Variants in KRABD5 observed in about 807,000 individuals in gnomAD.
The protein encoded by KRABD5 is KRAB domain containing 5, also known as KRAB domain-containing protein 5.
the KRABD5 span, among the ~76,000 whole-genome samples, chr16:31,727,237 A>G: frequency 3.3e-5 from 5 of 152,244 alleles, no homozygotes; most frequent in Admixed American, 2.0e-4. Flanking sequence ...GAAAATTACA[A>G]TTCTTCGTTG....
chr16:31,725,321 T>G, the KRABD5 span, among the ~76,000 whole-genome samples: 2 of 152,198 alleles, frequency 1.3e-5, no homozygotes, highest in Non-Finnish European at 2.9e-5. Flanking sequence ...TTTCGCCATG[T>G]TGGCCAGGCT....
the KRABD5 span, among the ~76,000 whole-genome samples, chr16:31,717,735 T>C: frequency 6.6e-6 from 1 of 152,190 alleles, no homozygotes; most frequent in East Asian, 1.9e-4. Context: ...GATTCTGTTT[T>C]TAATTATATT....
chr16:31,741,882 AT>A, the KRABD5 span, among the ~76,000 whole-genome samples: 2 of 152,114 alleles, frequency 1.3e-5, no homozygotes, highest in African/African-American at 2.4e-5. Context: ...AATGTCTAGA[AT>A]GGTATTTGCC....
At chr16:31,736,799 C>T in the KRABD5 span, among the ~76,000 whole-genome samples, 4 of 152,200 alleles carry the variant, frequency 2.6e-5, no homozygotes, top group African/African-American at 4.8e-5. Flanking sequence ...GGATTACAGG[C>T]GTGAGCCACT....
chr16:31,731,564 A>T, the KRABD5 span, among the ~76,000 whole-genome samples: 3 of 152,082 alleles, frequency 2.0e-5, no homozygotes, highest in African/African-American at 4.8e-5. Context: ...TCTGGAACTG[A>T]TTCATAGGGG....
the KRABD5 span, chr16:31,753,900 GGTAA>G: frequency 6.4e-7 from 1 of 1,551,092 alleles, no homozygotes; most frequent in Non-Finnish European, 8.7e-7. Context: ...GGAAAGTGAG[GGTAA>G]GTGTGAAGGT....
chr16:31,746,866 G>A, the KRABD5 span, among the ~76,000 whole-genome samples: 24 of 151,888 alleles, frequency 1.6e-4, no homozygotes, highest in Non-Finnish European at 2.9e-4. Flanking sequence ...TCAGCCAGGT[G>A]GTCTTCAAAT....
the KRABD5 span, among the ~76,000 whole-genome samples, chr16:31,745,578 G>A: frequency 4.6e-5 from 7 of 152,168 alleles, no homozygotes; most frequent in East Asian, 1.9e-4. Flanking sequence ...ATCTGGCACC[G>A]AGAAGAATGT....
chr16:31,752,291 A>G, the KRABD5 span, among the ~76,000 whole-genome samples: 1 of 152,172 alleles, frequency 6.6e-6, no homozygotes, highest in African/African-American at 2.4e-5. Context: ...TATTCTGTAG[A>G]TGCCTATTAG....
chr16:31,759,169 C>A, the KRABD5 span: 2 of 519,218 alleles, frequency 3.9e-6, no homozygotes, highest in African/African-American at 1.9e-5. Context: ...GTCATAATAG[C>A]CCAAAACAGG....
chr16:31,731,624 C>T, the KRABD5 span, among the ~76,000 whole-genome samples: 1 of 152,192 alleles, frequency 6.6e-6, no homozygotes, highest in African/African-American at 2.4e-5. Context: ...TTCCAGGTTT[C>T]TCATTGAGCA....
At chr16:31,723,301 A>G in the KRABD5 span, 1 of 1,613,988 alleles carries the variant, frequency 6.2e-7, no homozygotes, top group East Asian at 2.2e-5. Context: ...TTTTGGAGCA[A>G]AGGAAAGAGC....
the KRABD5 span, among the ~76,000 whole-genome samples, chr16:31,742,211 G>A: frequency 6.6e-6 from 1 of 151,660 alleles, no homozygotes; most frequent in Non-Finnish European, 1.5e-5. Context: ...AAAAAGATGG[G>A]GGATACATTT....
At chr16:31,723,322 G>C in the KRABD5 span, 1 of 1,613,958 alleles carries the variant, frequency 6.2e-7, no homozygotes, top group South Asian at 1.1e-5. Context: ...CCTGGAATGT[G>C]AAGAGTGCAG....
the KRABD5 span, among the ~76,000 whole-genome samples, chr16:31,736,011 C>G: frequency 6.6e-6 from 1 of 152,128 alleles, no homozygotes; most frequent in African/African-American, 2.4e-5. Context: ...CTGTTTTCAT[C>G]TAATAGTTTC....
the KRABD5 span, chr16:31,713,339 C>T: frequency 6.5e-7 from 1 of 1,535,988 alleles, no homozygotes; most frequent in South Asian, 1.2e-5. Context: ...GGCGGCTTCG[C>T]GTTCTGAGAA....
At chr16:31,718,738 A>T in the KRABD5 span, among the ~76,000 whole-genome samples, 1 of 152,168 alleles carries the variant, frequency 6.6e-6, no homozygotes, top group African/African-American at 2.4e-5. Flanking sequence ...TCCACTTTGT[A>T]TCCTGGCCCC....
chr16:31,753,662 C>A, the KRABD5 span: 1 of 1,105,556 alleles, frequency 9.0e-7, no homozygotes, highest in Non-Finnish European at 1.2e-6. Flanking sequence ...TTTGATTCAA[C>A]TATCATGGTG....
At chr16:31,746,424 A>G in the KRABD5 span, among the ~76,000 whole-genome samples, 1 of 152,176 alleles carries the variant, frequency 6.6e-6, no homozygotes, top group African/African-American at 2.4e-5. Flanking sequence ...CTTTTCTTTA[A>G]GAATGTTGAA....
Sources: gnomAD v4.1 joint callset for allele counts (sites outside exome capture counted in the v4.1 genomes callset) on GRCh38, gnomAD v4.1.1 for gene constraint, MANE v1.5 for transcripts, NCBI Gene and HGNC (gene_info 2026-07-23, HGNC 2026-07-21) for gene names.